SETD4: variants seen among roughly 807,000 people sequenced by gnomAD.
SETD4 encodes the protein SET domain containing 4.
Under a neutral mutation model 58.3 loss-of-function variants are expected in SETD4, and 46 were observed. That is an observed-to-expected ratio of 0.79 (90% CI 0.62 to 1.01). The LOEUF is 1.01. SETD4 is among the 50% of genes least tolerant of loss of function. SETD4 has a pLI of 0.00. For missense variants in SETD4, 490 were observed against 523.3 expected, an observed-to-expected ratio of 0.94 and a Z score of 0.62; for synonymous variants, 190 against 202.6, an observed-to-expected ratio of 0.94 and a Z score of 0.53.
intron 4 of SETD4, chr21:36,052,777 T>C (rs1332039751): frequency 6.6e-6 from 1 of 152,184 alleles, no homozygotes; most frequent in Admixed American, 6.5e-5. Flanking sequence ...CCTTGGAGGC[T>C]GTCATTTACT....
chr21:36,037,873 G>A (rs1357284911), intron 10 of SETD4, among the ~76,000 whole-genome samples: 1 of 151,950 alleles, frequency 6.6e-6, no homozygotes, highest in African/African-American at 2.4e-5. Context: ...GCGGGTGCCT[G>A]TAATCCCAGC....
intron 10 of SETD4, 82 bp downstream of exon 10, chr21:36,038,068 C>T: frequency 6.9e-7 from 1 of 1,446,056 alleles, no homozygotes; most frequent in South Asian, 1.3e-5. Flanking sequence ...TTATGAAATG[C>T]ACTATCCCTA....
At chr21:36,040,055 G>A (rs2063971526) in intron 9 of SETD4, among the ~76,000 whole-genome samples, 1 of 152,102 alleles carries the variant, frequency 6.6e-6, no homozygotes, top group Non-Finnish European at 1.5e-5. Context: ...GTCGACAGGG[G>A]GCTGCAGGGA....
At chr21:36,044,207 A>C (rs576261642) in intron 6 of SETD4, among the ~76,000 whole-genome samples, 1 of 152,310 alleles carries the variant, frequency 6.6e-6, no homozygotes, top group South Asian at 2.1e-4. Context: ...CACAGATGAG[A>C]TCATCAGCAG....
intron 8 of SETD4, among the ~76,000 whole-genome samples, chr21:36,041,100 C>T (rs1284617408): frequency 2.4e-5 from 3 of 123,990 alleles, no homozygotes; most frequent in Non-Finnish European, 4.7e-5. Flanking sequence ...GCAGAGCTTG[C>T]AGTGAGCTGA....
At chr21:36,054,705 T>G (rs1422566424) in intron 3 of SETD4, among the ~76,000 whole-genome samples, 1 of 151,894 alleles carries the variant, frequency 6.6e-6, no homozygotes, top group East Asian at 1.9e-4. Flanking sequence ...TCCTGGCAGG[T>G]TGGATTTGAT....
chr21:36,047,227 C>G (rs924758460), intron 5 of SETD4, among the ~76,000 whole-genome samples: 10 of 152,136 alleles, frequency 6.6e-5, no homozygotes, highest in Non-Finnish European at 1.2e-4. Context: ...TGCACTTCAG[C>G]CTAGGCAACA....
At chr21:36,053,507 A>T in intron 4 of SETD4, 76 bp downstream of exon 4, 1 of 1,475,410 alleles carries the variant, frequency 6.8e-7, no homozygotes, top group Non-Finnish European at 9.5e-7. Context: ...AATTTTTTTA[A>T]TTCACTTCGT....
chr21:36,059,897 A>G, intron 1 of SETD4: 1 of 985,388 alleles, frequency 1.0e-6, no homozygotes, highest in Non-Finnish European at 1.2e-6. Context: ...CTCAGTCCAC[A>G]GACCGCGCCG....
At chr21:36,036,283 A>G (rs763694060) in intron 10 of SETD4, 32 bp from the exon 11 acceptor site, 3 of 1,523,374 alleles carry the variant, frequency 2.0e-6, no homozygotes, top group South Asian at 1.3e-5. Flanking sequence ...TTGTTATTGT[A>G]GTAAAACATA....
intron 5 of SETD4, among the ~76,000 whole-genome samples, chr21:36,047,834 C>CAAAAAA (rs34827028): frequency 2.3e-4 from 16 of 70,906 alleles, no homozygotes; most frequent in African/African-American, 8.3e-4. Context: ...ACTAAAAATA[C>CAAAAAA]AAAAAAAAAA....
rs200430400 is a variant in SETD4, at chr21:36,036,271, T to C, written c.1189-20A>G. 207 of 1,563,328 alleles carry C rather than the reference T, an allele frequency of 1.3e-4. No homozygotes were observed. The African/African-American group carries it at 2.6e-3, about 20-fold the overall frequency. On this transcript the variant is annotated intron_variant, in intron 10 of 11. Coordinates refer to ENST00000332131, the MANE Select transcript of SETD4 (RefSeq NM_017438.5). Reference sequence around the variant, plus strand: ...AGACACCTGAAAGTTATTTTTTAATTATTGTTATTGTAGTAAAACATATAT... The same window carrying C: ...AGACACCTGAAAGTTATTTTTTAATCATTGTTATTGTAGTAAAACATATAT...
At chr21:36,045,336 T>G (rs2064261938) in intron 6 of SETD4, among the ~76,000 whole-genome samples, 1 of 152,098 alleles carries the variant, frequency 6.6e-6, no homozygotes, top group African/African-American at 2.4e-5. Flanking sequence ...GGACAGAGGA[T>G]GCAGCACGAG....
intron 2 of SETD4, 95 bp downstream of exon 2, chr21:36,058,721 A>G: frequency 3.6e-6 from 5 of 1,389,464 alleles, no homozygotes; most frequent in Non-Finnish European, 4.9e-6. Flanking sequence ...CCGTCTCAGA[A>G]AAAAGAAAGA....
chr21:36,058,009 GT>G (rs2065075081), intron 2 of SETD4, among the ~76,000 whole-genome samples: 1 of 152,184 alleles, frequency 6.6e-6, no homozygotes, highest in African/African-American at 2.4e-5. Flanking sequence ...TTCAGACAGG[GT>G]TACCCTGAAT....
intron 1 of SETD4, chr21:36,059,920 A>G: frequency 1.0e-6 from 1 of 985,342 alleles, no homozygotes; most frequent in Non-Finnish European, 1.2e-6. Flanking sequence ...AAGTGTCCCC[A>G]AGACTCCCGG....
intron 6 of SETD4, among the ~76,000 whole-genome samples, chr21:36,044,566 A>G (rs530871784): frequency 7.9e-5 from 12 of 152,156 alleles, no homozygotes; most frequent in Non-Finnish European, 1.5e-4. Flanking sequence ...TCCTGATATT[A>G]TTTCGTCAAC....
chr21:36,053,689 G>T, intron 3 of SETD4, 69 bp from the exon 4 acceptor site: 1 of 1,493,576 alleles, frequency 6.7e-7, no homozygotes, highest in Non-Finnish European at 9.2e-7. Flanking sequence ...TAACTATTAT[G>T]GAAAAAAAAA....
At chr21:36,051,052 A>G in intron 4 of SETD4, 5 of 1,464,504 alleles carry the variant, frequency 3.4e-6, no homozygotes, top group East Asian at 4.5e-5. Context: ...TGTGAGGCCA[A>G]TGCAAATGTA....
Sources: allele counts gnomAD v4.1 joint callset (sites outside exome capture counted in the v4.1 genomes callset), GRCh38; gene constraint gnomAD v4.1.1; transcripts MANE v1.5; gene names NCBI Gene and HGNC (gene_info 2026-07-23, HGNC 2026-07-21).